ATP6V1B2: variants seen among roughly 807,000 people sequenced by gnomAD.
ATP6V1B2 encodes the protein ATPase H+ transporting V1 subunit B2.
A neutral mutation model predicts 66.7 loss-of-function variants in ATP6V1B2; 23 were observed. The observed-to-expected ratio is 0.34, with a 90% confidence interval of 0.25 to 0.49. ATP6V1B2 has a LOEUF of 0.49. Ranked by LOEUF, ATP6V1B2 falls within the 20% of genes least tolerant of loss-of-function variation. The pLI, the probability that ATP6V1B2 is intolerant of heterozygous loss-of-function variation, is 0.99. For synonymous variants in ATP6V1B2, 278 were observed against 236.7 expected (o/e 1.17, Z -1.60); for missense variants, 478 against 650.8 (o/e 0.73, Z 2.89).
Position 20,197,425 on chromosome 8 carries a change from C to CG in ATP6V1B2, c.24dup (p.Ile9AspfsTer56). Reference sequence around the variant, plus strand: ...AGACAAGATGGCGCTGCGGGCGATGCGGGGGATTGTCAACGGGGCCGCACC... The same window carrying CG: ...AGACAAGATGGCGCTGCGGGCGATGCGGGGGGATTGTCAACGGGGCCGCACC... On this transcript the variant is annotated frameshift_variant, in exon 1 of 14. Transcript: ENST00000276390. LOFTEE classifies it high-confidence loss of function. 1 of 1,542,312 alleles carries CG rather than the reference C, an allele frequency of 6.5e-7. No individual in the cohort carries two copies. Among genetic ancestry groups the CG allele is most frequent in the Non-Finnish European group, 8.7e-7 (1 of 1,146,496 alleles).
Position 20,220,472 on chromosome 8 carries a change from T to C in ATP6V1B2, c.*70T>C, listed in dbSNP as rs149793493. ...TGTTTTCTTTATTCCTTTTGCACTC[T>C]CGGTTCCCACCTTTGTGTTGGAGTT... On this transcript the variant is annotated 3_prime_UTR_variant, in exon 14 of 14. Transcript: ENST00000276390. 2,561 of 1,470,598 alleles carry C rather than the reference T, an allele frequency of 1.7e-3. 48 individuals are homozygous for C. The African/African-American group carries it at 0.033, about 19-fold the overall frequency. 91.1% of individuals were successfully genotyped at this position (1,470,598 alleles called of 1,614,324 possible).
At chr8:20,212,328 C>G in intron 8 of ATP6V1B2, 129 bp downstream of exon 8, 1 of 834,294 alleles carries the variant, frequency 1.2e-6, no homozygotes. Context: ...TATTTAAAGT[C>G]CAGCCCTGCT....
rs1238736609 is a variant in ATP6V1B2 at position 20,217,215 on chromosome 8, C to G, written c.1162-5C>G. The G allele has an allele frequency of 6.2e-7, 1 of 1,606,744 alleles. No homozygotes were observed. The highest frequency in any genetic ancestry group is 8.5e-7 in the Non-Finnish European group (1 of 1,173,772). ...TAGTATTTTTTCCCTCTCATTCTAC[C>G]CAAGATTTATCCACCTATCAATGTG... On this transcript the variant is annotated splice_polypyrimidine_tract_variant and splice_region_variant and intron_variant, in intron 11 of 13. Coordinates refer to ENST00000276390, the MANE Select transcript of ATP6V1B2 (RefSeq NM_001693.4).
At chr8:20,220,163 AT>A in intron 13 of ATP6V1B2, 99 bp from the exon 14 acceptor site, 3 of 1,346,272 alleles carry the variant, frequency 2.2e-6, no homozygotes, top group Non-Finnish European at 3.0e-6. Flanking sequence ...TTTTTTCAAT[AT>A]CTATTTAATA....
chr8:20,211,204 T>A lies in ATP6V1B2; in HGVS notation c.491T>A (p.Ile164Asn). The A allele has an allele frequency of 6.2e-7, 1 of 1,612,724 alleles. No homozygotes were observed. The highest frequency in any genetic ancestry group is 1.1e-5 in the South Asian group (1 of 90,870). ...MGQPINPQCRIYPEEMIQTGI... is the reference protein window; with the variant it reads ...MGQPINPQCRNYPEEMIQTGI... ...CAGCCAATCAACCCTCAATGTCGAA[T>A]CTACCCAGAGGAAATGATTCAGACT... Residue 164 changes from isoleucine (I) to asparagine (N), a missense_variant, in exon 6 of 14, where the codon ATC becomes AAC. Ile to Asn is a moderately radical substitution (Grantham distance 149, BLOSUM62 -3). Coordinates refer to ENST00000276390, the MANE Select transcript of ATP6V1B2 (RefSeq NM_001693.4).
In ATP6V1B2 at chr8:20,211,757, A is replaced by AACATGGAAACTGCCCG. The variant is rs2072795529; in HGVS notation, c.705+4_705+5insACATGGAAACTGCCCG. On this transcript the variant is annotated splice_donor_region_variant and intron_variant, in intron 7 of 13. Transcript: ENST00000276390. ...AATTGTATTTGCTGCTATGGGTGTA[A>AACATGGAAACTGCCCG]GTAGAATTTTTGTTTTAGTATGATA... 1 of 1,575,920 alleles carries AACATGGAAACTGCCCG rather than the reference A, an allele frequency of 6.3e-7. No individual in the cohort carries two copies. Among genetic ancestry groups the AACATGGAAACTGCCCG allele is most frequent in the African/African-American group, 1.5e-5 (1 of 68,710 alleles).
At chr8:20,216,988 T>C (rs2072860994) in intron 11 of ATP6V1B2, 1 of 513,952 alleles carries the variant, frequency 1.9e-6, no homozygotes, top group Non-Finnish European at 3.5e-6. Context: ...TCTTGTACAG[T>C]GTTATAGATG....
chr8:20,210,399 T>G lies in ATP6V1B2; in HGVS notation c.345T>G (p.Thr115=). Residue 115 remains threonine (T), a synonymous_variant, in exon 4 of 14, where the codon ACT becomes ACG. Transcript: ENST00000276390. ...CTAAGAAAACGTCCTGTGAGTTTAC[T>G]GGGGATATTCTCCGAACACCGGTGT... ...IDAKKTSCEF[T]GDILRTPVSE... 6.2e-7 allele frequency: 1 copy of G among 1,613,726 alleles called. No individual in the cohort carries two copies. The highest frequency in any genetic ancestry group is 1.7e-4 in the Middle Eastern group (1 of 6,042).
chr8:20,202,600 T>C lies in ATP6V1B2; in HGVS notation c.137-1884T>C, dbSNP rs1199975252. ...TGTTTCCAGGAAAAGCTATGACTAG[T>C]GTTTCTTTTTCTTGGTCATACTTTT... On this transcript the variant is annotated intron_variant, in intron 1 of 13. Transcript: ENST00000276390. Among the ~76,000 whole-genome samples, 3 of 152,332 alleles carry C rather than the reference T, an allele frequency of 2.0e-5. No homozygotes were observed. The East Asian group carries it at 5.8e-4, about 29-fold the overall frequency.
At chr8:20,210,858 C>T (rs1476001885) in intron 5 of ATP6V1B2, among the ~76,000 whole-genome samples, 2 of 151,912 alleles carry the variant, frequency 1.3e-5, no homozygotes, top group Non-Finnish European at 2.9e-5. Context: ...TGTAAAATAT[C>T]TAGGATATAT....
chr8:20,204,216 C>T, intron 1 of ATP6V1B2: 1 of 446,474 alleles, frequency 2.2e-6, no homozygotes, highest in Non-Finnish European at 4.1e-6. Context: ...CAGAGTCTTT[C>T]CCTCTGTGTC....
In ATP6V1B2 at chr8:20,218,847, G is replaced by C. The variant is rs182367213; in HGVS notation, c.1396+565G>C. The stretch of plus-strand genomic sequence containing the variant: ...CAGCTGCCTTAGGAACACCGTTGTT[G>C]TTTATGCCACCATCCCCTCAGGCTC... On this transcript the variant is annotated intron_variant, in intron 13 of 13. Transcript: ENST00000276390. Among the ~76,000 whole-genome samples, 289 of 152,192 alleles carry C rather than the reference G, an allele frequency of 1.9e-3. 1 individual carries two copies. The highest frequency in any genetic ancestry group is 0.014 in the Admixed American group (217 of 15,278).
At chr8:20,197,626 A>T (rs1191984182) in intron 1 of ATP6V1B2, 84 bp downstream of exon 1, 6 of 1,279,484 alleles carry the variant, frequency 4.7e-6, no homozygotes, top group Admixed American at 3.9e-5. Context: ...GCCAGCGGGT[A>T]GGGGGTAGGA....
intron 9 of ATP6V1B2, chr8:20,213,895 G>T (rs1230410277): frequency 6.6e-6 from 1 of 152,102 alleles, no homozygotes; most frequent in East Asian, 1.9e-4. Flanking sequence ...TTTGTAAAAT[G>T]CAATAAAATT....
At position 20,214,916 on chromosome 8, in the gene ATP6V1B2, A is replaced by G. The variant is rs1484268409; in HGVS notation, c.1026A>G (p.Glu342=). ...TATATGAACGCGCTGGGCGAGTGGA[A>G]GGGAGAAACGGCTCGATTACTCAAA... ...ATIYERAGRV[E]GRNGSITQIP... is the part of the protein sequence containing the mutation. The change falls in exon 10 of 14, where the codon GAA becomes GAG. Residue 342 remains glutamate, a synonymous_variant. Coordinates refer to ENST00000276390, the MANE Select transcript of ATP6V1B2 (RefSeq NM_001693.4). The G allele has an allele frequency of 1.2e-6, 2 of 1,613,630 alleles. No homozygotes were observed. The highest frequency in any genetic ancestry group is 1.3e-5 in the African/African-American group (1 of 74,982).
intron 13 of ATP6V1B2, 115 bp from the exon 14 acceptor site, chr8:20,220,148 C>A: frequency 8.8e-7 from 1 of 1,132,844 alleles, no homozygotes; most frequent in Non-Finnish European, 1.2e-6. Context: ...GGAGTCCCAA[C>A]TTTTTTTTTT....
chr8:20,210,431 A>G lies in ATP6V1B2; in HGVS notation c.377A>G (p.Asp126Gly). Residue 126 changes from aspartate to glycine, a missense_variant, in exon 4 of 14, where the codon GAT becomes GGT. Around this residue, in one of 2 missense-constraint regions of ATP6V1B2, gnomAD observed 326 missense variants for 545.6 expected, o/e 0.60. Transcript: ENST00000276390. ...GDILRTPVSE[D>G]MLGRVFNGSG... Reference sequence around the variant, plus strand: ...ATTCTCCGAACACCGGTGTCTGAGGATATGCTTGGTAAATGGATATTATTC... The same window carrying G: ...ATTCTCCGAACACCGGTGTCTGAGGGTATGCTTGGTAAATGGATATTATTC... 6.2e-7 allele frequency: 1 copy of G among 1,613,362 alleles called. No individual in the cohort carries two copies. The highest frequency in any genetic ancestry group is 1.7e-5 in the Admixed American group (1 of 59,968).
In ATP6V1B2 at chr8:20,210,343, T is replaced by A. The variant is rs779185642; in HGVS notation, c.292-3T>A. ...CCTTCTCATTAATTCTTTTTCTTGA[T>A]AGGTATTTGAAGGGACTTCAGGTAT... On this transcript the variant is annotated splice_region_variant and splice_polypyrimidine_tract_variant and intron_variant, in intron 3 of 13. Coordinates refer to ENST00000276390, the MANE Select transcript of ATP6V1B2 (RefSeq NM_001693.4). The A allele has an allele frequency of 6.2e-7, 1 of 1,607,372 alleles. No individual in the cohort carries two copies. Among genetic ancestry groups the A allele is most frequent in the Non-Finnish European group, 8.5e-7 (1 of 1,176,038 alleles).
chr8:20,209,664 A>G (rs1431617018), intron 3 of ATP6V1B2, 133 bp downstream of exon 3: 2 of 811,422 alleles, frequency 2.5e-6, no homozygotes, highest in Admixed American at 2.6e-5. Flanking sequence ...CTGCAGGGAA[A>G]GAAACTATTA....
Sources: gnomAD v4.1 joint callset for allele counts (sites outside exome capture counted in the v4.1 genomes callset) on GRCh38, gnomAD v4.1.1 for gene constraint, gnomAD v4.1.1 regional missense constraint, MANE v1.5 for transcripts, NCBI Gene and HGNC (gene_info 2026-07-23, HGNC 2026-07-21) for gene names.